PRKN: variants seen among roughly 807,000 people sequenced by gnomAD.
The protein encoded by PRKN is parkin RBR E3 ubiquitin protein ligase.
Under a neutral mutation model 59.5 loss-of-function variants are expected in PRKN, and 56 were observed. The ratio of observed to expected loss-of-function variants is 0.94; its 90% CI spans 0.76 to 1.18. PRKN has a LOEUF of 1.18. PRKN is among the 50% of genes most tolerant of loss of function. The probability of loss-of-function intolerance (pLI) is 0.00; values close to 1 mark genes in which losing one functional copy is unlikely to be tolerated. For missense variants in PRKN, 657 were observed against 596.4 expected (o/e 1.10, Z -1.06); for synonymous variants, 250 against 222.1 (o/e 1.13, Z -1.12).
chr6:162,174,406 T>C (rs1783439494), intron 4 of PRKN, among the ~76,000 whole-genome samples: 2 of 152,168 alleles, frequency 1.3e-5, no homozygotes. Flanking sequence ...CATGCACCCA[T>C]AAATATCTTC....
At chr6:161,565,992 C>T (rs79103464) in intron 8 of PRKN, among the ~76,000 whole-genome samples, 4,794 of 152,246 alleles carry the variant, frequency 0.031, 240 homozygotes, top group African/African-American at 0.11. Flanking sequence ...TTCTCCCTTC[C>T]CCCTTCTGCA....
At chr6:162,638,983 C>A (rs940298378) in intron 1 of PRKN, among the ~76,000 whole-genome samples, 1 of 151,910 alleles carries the variant, frequency 6.6e-6, no homozygotes, top group African/African-American at 2.4e-5. Flanking sequence ...TGACCTCAGG[C>A]GATCCACCCA....
At chr6:162,505,628 C>A (rs1368770903) in intron 1 of PRKN, among the ~76,000 whole-genome samples, 3 of 152,064 alleles carry the variant, frequency 2.0e-5, no homozygotes, top group African/African-American at 7.2e-5. Flanking sequence ...CTATACAATA[C>A]AATTAACATA....
intron 6 of PRKN, among the ~76,000 whole-genome samples, chr6:161,869,157 T>A (rs1262672961): frequency 1.3e-5 from 2 of 152,112 alleles, no homozygotes; most frequent in Non-Finnish European, 2.9e-5. Flanking sequence ...GGCGGGTGGA[T>A]CACCTGAGGT....
chr6:162,448,668 A>G (rs556675271), intron 1 of PRKN, among the ~76,000 whole-genome samples: 214 of 152,086 alleles, frequency 1.4e-3, no homozygotes, highest in Middle Eastern at 0.01. Flanking sequence ...CAGATTTTGG[A>G]GCATCCCAGG....
chr6:161,493,580 G>C (rs1777636292), intron 9 of PRKN, among the ~76,000 whole-genome samples: 1 of 152,182 alleles, frequency 6.6e-6, no homozygotes, highest in Non-Finnish European at 1.5e-5. Context: ...TTGCAGCACA[G>C]AGTCGCCTGA....
intron 4 of PRKN, among the ~76,000 whole-genome samples, chr6:162,087,276 T>C (rs1779281816): frequency 6.6e-6 from 1 of 152,204 alleles, no homozygotes; most frequent in East Asian, 1.9e-4. Context: ...TGTAATATAA[T>C]GACTAAAATT....
chr6:162,257,350 G>C (rs1165381931), intron 3 of PRKN, among the ~76,000 whole-genome samples: 4 of 151,676 alleles, frequency 2.6e-5, no homozygotes, highest in Non-Finnish European at 5.9e-5. Flanking sequence ...AGTATACCTT[G>C]TGATATAGTT....
In PRKN at chr6:161,473,520, A is replaced by C. The variant is rs559953832; in HGVS notation, c.1083+75334T>G. On this transcript the variant is annotated intron_variant, in intron 9 of 11. Coordinates refer to ENST00000366898, the MANE Select transcript of PRKN (RefSeq NM_004562.3). The surrounding 1 kb of genome is among the most constrained non-coding windows in gnomAD (Gnocchi z 4.1). ...ATCTTACTTACATGTGGAATCTTAAAAAAAAAATGTCAAATATATAGAGAC... is the reference window on the plus strand; with the variant it reads ...ATCTTACTTACATGTGGAATCTTAACAAAAAAATGTCAAATATATAGAGAC... Among the ~76,000 whole-genome samples the C allele has an allele frequency of 5.9e-4, 89 of 152,136 alleles. No individual in the cohort carries two copies. Among genetic ancestry groups the C allele is most frequent in the African/African-American group, 2.0e-3 (85 of 41,524 alleles).
At chr6:162,633,088 G>A (rs1471774103) in intron 1 of PRKN, among the ~76,000 whole-genome samples, 3 of 151,686 alleles carry the variant, frequency 2.0e-5, no homozygotes, top group Non-Finnish European at 1.5e-5. Flanking sequence ...AGGATTCATT[G>A]CTATTCCTTA....
intron 4 of PRKN, among the ~76,000 whole-genome samples, chr6:162,141,850 GAGA>G (rs1358713808): frequency 6.6e-6 from 1 of 152,034 alleles, no homozygotes; most frequent in Admixed American, 6.6e-5. Flanking sequence ...TTTTTCCCTA[GAGA>G]AGAAGCATTA....
chr6:162,578,632 T>G (rs1400537488), intron 1 of PRKN, among the ~76,000 whole-genome samples: 4 of 152,230 alleles, frequency 2.6e-5, no homozygotes, highest in Non-Finnish European at 5.9e-5. Context: ...TCACACACTC[T>G]ATTTGTTCAT....
chr6:161,635,546 C>T (rs1783481790), intron 7 of PRKN, among the ~76,000 whole-genome samples: 2 of 152,222 alleles, frequency 1.3e-5, no homozygotes, highest in African/African-American at 2.4e-5. Flanking sequence ...GGTGTGCAGG[C>T]ATTTTTCAAT....
Position 161,379,652 on chromosome 6 carries a change from C to T in PRKN, c.1167+7142G>A, listed in dbSNP as rs981461982. On this transcript the variant is annotated intron_variant, in intron 10 of 11. Transcript: ENST00000366898. This position sits in a 1 kb window ranked among gnomAD's most constrained non-coding sequence, Gnocchi z 4.9. ...TCTTCCTTCTGCGGGAAGCCCACATCGAAAACCTGGTCTATGCATAGGGAT... is the reference window on the plus strand; with the variant it reads ...TCTTCCTTCTGCGGGAAGCCCACATTGAAAACCTGGTCTATGCATAGGGAT... Among the ~76,000 whole-genome samples the T allele has an allele frequency of 2.6e-5, 4 of 152,178 alleles. No homozygotes were observed. The highest frequency in any genetic ancestry group is 5.9e-5 in the Non-Finnish European group (4 of 68,034).
At chr6:162,296,223 C>T (rs570021811) in intron 2 of PRKN, among the ~76,000 whole-genome samples, 12 of 143,490 alleles carry the variant, frequency 8.4e-5, no homozygotes, top group Admixed American at 3.5e-4. Context: ...CCCCCCACCC[C>T]CTTCTATGCC....
At chr6:162,249,220 G>A (rs1048950519) in intron 3 of PRKN, among the ~76,000 whole-genome samples, 2 of 152,134 alleles carry the variant, frequency 1.3e-5, no homozygotes, top group East Asian at 3.9e-4. Context: ...CTGATTTTTA[G>A]CATCCTTCGA....
intron 9 of PRKN, among the ~76,000 whole-genome samples, chr6:161,477,225 T>G (rs574940789): frequency 6.6e-6 from 1 of 152,220 alleles, no homozygotes; most frequent in South Asian, 2.1e-4. Flanking sequence ...TGGAAAAAAA[T>G]AATGGGACTT....
chr6:161,786,497 C>T lies in PRKN; in HGVS notation c.735-589G>A, dbSNP rs186560322. Among the ~76,000 whole-genome samples the T allele has an allele frequency of 7.9e-3, 1,205 of 151,818 alleles. 13 individuals are homozygous for T. Among genetic ancestry groups the T allele is most frequent in the African/African-American group, 0.027 (1,126 of 41,412 alleles). On this transcript the variant is annotated intron_variant, in intron 6 of 11. Coordinates refer to ENST00000366898, the MANE Select transcript of PRKN (RefSeq NM_004562.3). ...TGTATATAGTGATTTACTAGTAATC[C>T]CATAAACATAATTAGAGAAAATTCA... is the stretch of plus-strand genomic sequence containing the variant.
intron 9 of PRKN, among the ~76,000 whole-genome samples, chr6:161,507,989 T>A (rs7769870): frequency 0.081 from 12,320 of 152,240 alleles, 729 homozygotes; most frequent in African/African-American, 0.16. Context: ...TGCCTTTCTA[T>A]ATTCTTATTT....
Sources: allele counts gnomAD v4.1 joint callset (sites outside exome capture counted in the v4.1 genomes callset), GRCh38; gene constraint gnomAD v4.1.1; non-coding constraint Gnocchi (gnomAD v3.1); transcripts MANE v1.5; gene names NCBI Gene and HGNC (gene_info 2026-07-23, HGNC 2026-07-21).